RSPH10B2: variants seen among roughly 807,000 people sequenced by gnomAD.
RSPH10B2 encodes the protein radial spoke head 10 homolog B2 (Chlamydomonas).
Under a neutral mutation model 49.0 loss-of-function variants are expected in RSPH10B2, and 9 were observed. The observed-to-expected ratio is 0.18, with a 90% confidence interval of 0.11 to 0.32. The LOEUF (loss-of-function observed/expected upper bound fraction) is 0.32, where lower values mean the gene tolerates loss of function less well. Among genes scored for constraint, RSPH10B2 ranks in the 10% least tolerant of loss-of-function variants. The probability of loss-of-function intolerance (pLI) is 1.00; values close to 1 mark genes in which losing one functional copy is unlikely to be tolerated. For synonymous variants in RSPH10B2, 35 were observed against 210.2 expected (o/e 0.17, Z 7.21); for missense variants, 95 against 589.9 (o/e 0.16, Z 8.69).
At chr7:6,782,390 T>TA (rs1467919702) in intron 13 of RSPH10B2, among the ~76,000 whole-genome samples, 2 of 123,358 alleles carry the variant, frequency 1.6e-5, no homozygotes, top group Non-Finnish European at 3.3e-5. Flanking sequence ...CTACAAAAAA[T>TA]AAAAAAATCA....
exon 6 of RSPH10B2, chr7:6,766,851 A>C: frequency 4.2e-6 from 3 of 718,034 alleles, no homozygotes; most frequent in Non-Finnish European, 5.7e-6. Context: ...CGAAGAGTAC[A>C]CCGGGCGGTG....
In RSPH10B2 at chr7:6,761,442, C is replaced by CG. The variant is rs968701395; in HGVS notation, c.399+1152dup. 1.3e-4 allele frequency: 17 copies of CG among 130,164 alleles called. 4 individuals are homozygous for CG. The highest frequency in any genetic ancestry group is 5.1e-4 in the African/African-American group (17 of 33,226). 8.1% of individuals were successfully genotyped at this position (130,164 alleles called of 1,614,324 possible). A position where few individuals can be genotyped will look rare whatever the true frequency, so the allele number is the denominator to read the frequency against. On this transcript the variant is annotated intron_variant, in intron 3 of 18. Coordinates refer to ENST00000297186, the Ensembl canonical transcript of RSPH10B2. Reference sequence around the variant, plus strand: ...GGAGGGAGGGGCTGACCGTCACTGGCGGGGCAAGGAGGATCTCCAAGTTCC... The same window carrying CG: ...GGAGGGAGGGGCTGACCGTCACTGGCGGGGGCAAGGAGGATCTCCAAGTTCC...
chr7:6,756,054 G>C (rs1420830745), upstream of RSPH10B2, among the ~76,000 whole-genome samples: 2 of 150,702 alleles, frequency 1.3e-5, no homozygotes, highest in Admixed American at 1.3e-4. Flanking sequence ...AGATCACGAG[G>C]TCAGGAGATC....
chr7:6,764,304 G>A (rs1229078473), intron 4 of RSPH10B2, among the ~76,000 whole-genome samples: 4 of 148,810 alleles, frequency 2.7e-5, no homozygotes, highest in Non-Finnish European at 3.0e-5. Context: ...GCTGTCCAGG[G>A]CATATTCACT....
At chr7:6,786,286 C>T (rs1370293841) in intron 14 of RSPH10B2, among the ~76,000 whole-genome samples, 4 of 95,102 alleles carry the variant, frequency 4.2e-5, no homozygotes, top group Non-Finnish European at 2.0e-5. Context: ...GGGTTCACGC[C>T]ATTCTCCTGC....
chr7:6,797,476 C>T (rs1467557230), intron 18 of RSPH10B2, among the ~76,000 whole-genome samples: 3 of 152,150 alleles, frequency 2.0e-5, no homozygotes, highest in African/African-American at 7.2e-5. Flanking sequence ...AGCTCCAGCC[C>T]AACCTCCCAG....
intron 17 of RSPH10B2, chr7:6,794,145 G>A (rs1436149942): frequency 6.1e-6 from 1 of 165,004 alleles, no homozygotes; most frequent in Admixed American, 6.5e-5. Flanking sequence ...ATCTTGGGGG[G>A]CTGTGTACAT....
intron 7 of RSPH10B2, among the ~76,000 whole-genome samples, chr7:6,770,793 T>C (rs1480819834): frequency 6.6e-6 from 1 of 150,644 alleles, no homozygotes; most frequent in Non-Finnish European, 1.5e-5. Context: ...TAGTCCCAGC[T>C]ACTCAGGAGG....
At chr7:6,776,873 T>TCACACACACACACACA (rs746541740) in intron 10 of RSPH10B2, among the ~76,000 whole-genome samples, 20 of 110,996 alleles carry the variant, frequency 1.8e-4, no homozygotes, top group Non-Finnish European at 2.4e-4. Context: ...CGAGACTCCA[T>TCACACACACACACACA]CACACACACA....
chr7:6,770,721 T>C lies in RSPH10B2; in HGVS notation c.958-826T>C, dbSNP rs1583508269. ...GAGATCGAGACCATCCTGGCTAACA[T>C]GGTGAAACCCTGTCTCTACTAAAAA... On this transcript the variant is annotated intron_variant, in intron 7 of 18. Coordinates refer to ENST00000297186, the Ensembl canonical transcript of RSPH10B2. 5.3e-5 allele frequency among the ~76,000 whole-genome samples: 8 copies of C among 151,062 alleles called. No homozygotes were observed. The South Asian group carries it at 1.7e-3, about 32-fold the overall frequency.
intron 6 of RSPH10B2, among the ~76,000 whole-genome samples, chr7:6,767,327 C>T (rs1305578088): frequency 2.4e-3 from 4 of 1,694 alleles, no homozygotes; most frequent in Non-Finnish European, 5.5e-3. Flanking sequence ...GGCTGGAGTG[C>T]GGTGGCAGGA....
intron 13 of RSPH10B2, among the ~76,000 whole-genome samples, chr7:6,785,337 C>T (rs1481690439): frequency 1.3e-5 from 2 of 152,078 alleles, no homozygotes; most frequent in East Asian, 1.9e-4. Flanking sequence ...CCACCATGCT[C>T]GGCCTACATT....
chr7:6,793,464 C>G (rs1421212307), intron 17 of RSPH10B2, among the ~76,000 whole-genome samples: 1 of 116,276 alleles, frequency 8.6e-6, no homozygotes, highest in Non-Finnish European at 1.7e-5. Flanking sequence ...GTGTATCCCC[C>G]TCTACAGTGC....
chr7:6,764,250 TG>T (rs1358266032), intron 4 of RSPH10B2, 149 bp downstream of exon 6: 1 of 163,860 alleles, frequency 6.1e-6, no homozygotes, highest in African/African-American at 4.0e-5. Context: ...GGGGAGGGGC[TG>T]GGTGGCCACA....
intron 10 of RSPH10B2, among the ~76,000 whole-genome samples, chr7:6,777,059 G>A (rs4631364): frequency 0.097 from 3,855 of 39,832 alleles, 28 homozygotes; most frequent in South Asian, 0.17. Flanking sequence ...GTTTTGTTTT[G>A]TTTTGTTTTT....
At chr7:6,756,271 A>AAAATAAATAAATAAATAAATAAAT (rs202239780), upstream of RSPH10B2, among the ~76,000 whole-genome samples, 29 of 120,488 alleles carry the variant, frequency 2.4e-4, no homozygotes, top group African/African-American at 1.0e-3. Context: ...CTCCGTCTCA[A>AAAATAAATAAATAAATAAATAAAT]AAATAAATAA....
intron 4 of RSPH10B2, among the ~76,000 whole-genome samples, chr7:6,764,861 TTC>T (rs1298941597): frequency 9.1e-6 from 1 of 109,412 alleles, no homozygotes; most frequent in Non-Finnish European, 1.8e-5. Context: ...GATAGAAAAA[TTC>T]TCTCTCACAC....
chr7:6,767,801 G>T, intron 6 of RSPH10B2, among the ~76,000 whole-genome samples: 1 of 57,054 alleles, frequency 1.8e-5, no homozygotes, highest in Non-Finnish European at 3.1e-5. Flanking sequence ...CACACAGGCT[G>T]GTCTTGAACT....
intron 13 of RSPH10B2, among the ~76,000 whole-genome samples, chr7:6,783,695 ACTC>A (rs1393912489): frequency 6.6e-6 from 1 of 150,402 alleles, no homozygotes; most frequent in East Asian, 1.9e-4. Context: ...CTGATCTTGA[ACTC>A]CTGGGCTCAA....
Sources: allele counts gnomAD v4.1 joint callset (sites outside exome capture counted in the v4.1 genomes callset), GRCh38; gene constraint gnomAD v4.1.1; transcripts MANE v1.5; gene names NCBI Gene and HGNC (gene_info 2026-07-23, HGNC 2026-07-21).